ARHGAP25: variants seen among roughly 807,000 people sequenced by gnomAD.
ARHGAP25 encodes Rho GTPase activating protein 25, also known as rho GTPase-activating protein 25.
Under a neutral mutation model 71.0 loss-of-function variants are expected in ARHGAP25, and 34 were observed. The observed-to-expected ratio is 0.48, with a 90% CI of 0.36 to 0.64. The LOEUF (loss-of-function observed/expected upper bound fraction) is 0.64. Ranked by LOEUF, ARHGAP25 falls within the 30% of genes least tolerant of loss-of-function variation. ARHGAP25 has a pLI of 0.00. For missense variants in ARHGAP25, 706 were observed against 805.1 expected (o/e 0.88, Z 1.49); for synonymous variants, 282 against 296.5 (o/e 0.95, Z 0.50).
intron 4 of ARHGAP25, among the ~76,000 whole-genome samples, chr2:68,791,937 C>G (rs145246215): frequency 3.3e-5 from 5 of 152,292 alleles, no homozygotes; most frequent in Admixed American, 6.5e-5. Context: ...CCACCCTTCT[C>G]TAAGGGCTTG....
At chr2:68,742,139 A>G (rs1426829269) in intron 1 of ARHGAP25, among the ~76,000 whole-genome samples, 3 of 152,028 alleles carry the variant, frequency 2.0e-5, no homozygotes, top group Non-Finnish European at 4.4e-5. Flanking sequence ...TCCACCCCCA[A>G]AATATGCACA....
At chr2:68,710,965 C>T (rs1185476837) in intron 2 of ARHGAP25, among the ~76,000 whole-genome samples, 4 of 152,146 alleles carry the variant, frequency 2.6e-5, no homozygotes, top group Non-Finnish European at 5.9e-5. Context: ...AGAGTCTTTT[C>T]TGCCTCCTTG....
At chr2:68,790,283 C>A (rs889352982) in intron 4 of ARHGAP25, among the ~76,000 whole-genome samples, 3 of 152,200 alleles carry the variant, frequency 2.0e-5, no homozygotes, top group African/African-American at 7.2e-5. Flanking sequence ...AGCCACCGTG[C>A]CCAGCCACGT....
At chr2:68,808,923 A>T (rs570594611) in intron 5 of ARHGAP25, among the ~76,000 whole-genome samples, 1 of 152,224 alleles carries the variant, frequency 6.6e-6, no homozygotes, top group East Asian at 1.9e-4. Context: ...GGCTGGAAGA[A>T]GGAAAATTAC....
chr2:68,794,459 T>C (rs932356901), intron 4 of ARHGAP25, among the ~76,000 whole-genome samples: 1 of 152,166 alleles, frequency 6.6e-6, no homozygotes, highest in Admixed American at 6.5e-5. Context: ...GCCTAGTTTG[T>C]TGAGAATTTT....
Position 68,713,635 on chromosome 2 carries a change from G to A in ARHGAP25, c.-18+2937G>A, listed in dbSNP as rs913397014. On this transcript the variant is annotated intron_variant and NMD_transcript_variant, in intron 2 of 7. Transcript: ENST00000463483. ...TCAGTATGATATTGGCTGTGGATTT[G>A]TCATAAATAGCTCTTATTATTTTGA... Among the ~76,000 whole-genome samples, 4 of 152,158 alleles carry A rather than the reference G, an allele frequency of 2.6e-5. No individual in the cohort carries two copies. In the East Asian group the frequency reaches 5.8e-4, roughly 22 times the overall value.
chr2:68,716,301 A>T, intron 2 of ARHGAP25, among the ~76,000 whole-genome samples: 1 of 152,204 alleles, frequency 6.6e-6, no homozygotes, highest in East Asian at 1.9e-4. Flanking sequence ...TCCCTTTTCA[A>T]AAGAAGAAAG....
Position 68,726,654 on chromosome 2 carries a change from T to C in ARHGAP25, c.-18+15956T>C, listed in dbSNP as rs372619762. On this transcript the variant is annotated intron_variant and NMD_transcript_variant, in intron 2 of 7. Coordinates refer to the ARHGAP25 transcript ENST00000463483. ...ATGGGACACTTAGAAAAAATAAAGA[T>C]CAATAGACTATCAAACTGTAGCCAG... is the stretch of plus-strand genomic sequence containing the variant. Among the ~76,000 whole-genome samples, 62 of 152,204 alleles carry C rather than the reference T, an allele frequency of 4.1e-4. 1 individual carries two copies. The highest frequency in any genetic ancestry group is 1.4e-3 in the African/African-American group (58 of 41,526).
At chr2:68,793,049 G>C (rs1679300981) in intron 4 of ARHGAP25, among the ~76,000 whole-genome samples, 1 of 151,882 alleles carries the variant, frequency 6.6e-6, no homozygotes, top group Non-Finnish European at 1.5e-5. Context: ...TTTTTCATAT[G>C]CATGTTTGTC....
intron 3 of ARHGAP25, among the ~76,000 whole-genome samples, chr2:68,784,333 T>C (rs1019589581): frequency 6.6e-6 from 1 of 152,166 alleles, no homozygotes; most frequent in Non-Finnish European, 1.5e-5. Flanking sequence ...TGTTATAACA[T>C]AGAGAATTTT....
In ARHGAP25 at chr2:68,782,295, G is replaced by A. The variant is rs1678398670; in HGVS notation, c.324G>A (p.Gly108=). ...TCGCCACAAACCCAGAAGAAGCTGGGAAGTTTGTCTTTGAAATCATTCCAG... is the reference window on the plus strand; with the variant it reads ...TCGCCACAAACCCAGAAGAAGCTGGAAAGTTTGTCTTTGAAATCATTCCAG... ...KEIATNPEEA[G]KFVFEIIPAS... Residue 108 remains glycine, a synonymous_variant, in exon 3 of 11, where the codon GGG becomes GGA. Coordinates refer to ENST00000409202, the MANE Select transcript of ARHGAP25 (RefSeq NM_001007231.3). 3 of 1,614,122 alleles carry A rather than the reference G, an allele frequency of 1.9e-6. No individual in the cohort carries two copies. Among genetic ancestry groups the A allele is most frequent in the Non-Finnish European group, 2.5e-6 (3 of 1,179,994 alleles).
chr2:68,813,245 T>C (rs1680959986), intron 5 of ARHGAP25, 42 bp from the exon 6 acceptor site: 1 of 1,577,136 alleles, frequency 6.3e-7, no homozygotes, highest in South Asian at 1.2e-5. Context: ...CTAAAGTTTT[T>C]CTTTCAAAGA....
chr2:68,724,848 C>A (rs1052131184), intron 2 of ARHGAP25, among the ~76,000 whole-genome samples: 1 of 152,202 alleles, frequency 6.6e-6, no homozygotes, highest in Non-Finnish European at 1.5e-5. Flanking sequence ...CATTCTGTCA[C>A]GCCTGTCATC....
chr2:68,745,701 T>G (rs1274364710), intron 1 of ARHGAP25, among the ~76,000 whole-genome samples: 1 of 152,178 alleles, frequency 6.6e-6, no homozygotes, highest in African/African-American at 2.4e-5. Context: ...TCTACTGTCT[T>G]AAGAGTCCAC....
At chr2:68,803,051 A>G (rs1270305629) in intron 4 of ARHGAP25, among the ~76,000 whole-genome samples, 5 of 152,110 alleles carry the variant, frequency 3.3e-5, no homozygotes, top group Non-Finnish European at 5.9e-5. Flanking sequence ...TATGCAGATT[A>G]ATAAGTTATA....
intron 4 of ARHGAP25, among the ~76,000 whole-genome samples, chr2:68,805,890 C>T (rs1680324684): frequency 1.3e-5 from 2 of 152,244 alleles, no homozygotes; most frequent in East Asian, 1.9e-4. Flanking sequence ...GGGAAAGTCA[C>T]GCAGGACAGG....
Position 68,822,474 on chromosome 2 carries a change from T to C in ARHGAP25, c.1335T>C (p.Pro445=). 6.2e-7 allele frequency: 1 copy of C among 1,614,214 alleles called. No homozygotes were observed. The highest frequency in any genetic ancestry group is 8.5e-7 in the Non-Finnish European group (1 of 1,180,032). ...MQSRKRTQTL[P]NRKCFLTSAF... ...CTCGTAAAAGGACTCAAACACTCCC[T>C]AACCGGAAATGTTTCTTGACATCAG... The change falls in exon 10 of 11, where the codon CCT becomes CCC. Residue 445 remains proline, a synonymous_variant. Coordinates refer to ENST00000409202, the MANE Select transcript of ARHGAP25 (RefSeq NM_001007231.3).
intron 5 of ARHGAP25, among the ~76,000 whole-genome samples, chr2:68,809,725 G>A (rs1680639339): frequency 6.6e-6 from 1 of 152,186 alleles, no homozygotes; most frequent in South Asian, 2.1e-4. Flanking sequence ...CCCTCTTGCT[G>A]TCCCCAACTT....
chr2:68,805,623 CATG>C (rs1414933838), intron 4 of ARHGAP25, among the ~76,000 whole-genome samples: 1 of 152,108 alleles, frequency 6.6e-6, no homozygotes, highest in African/African-American at 2.4e-5. Flanking sequence ...GGGTTTCGAA[CATG>C]ATAGAGAGAA....
Sources: allele counts gnomAD v4.1 joint callset (sites outside exome capture counted in the v4.1 genomes callset), GRCh38; gene constraint gnomAD v4.1.1; transcripts MANE v1.5; gene names NCBI Gene and HGNC (gene_info 2026-07-23, HGNC 2026-07-21).